DLL3: variants seen among roughly 807,000 people sequenced by gnomAD.
The protein encoded by DLL3 is delta like canonical Notch ligand 3.
In DLL3, 49 loss-of-function variants were observed where a neutral mutation model predicts 55.0. That is an observed-to-expected ratio of 0.89 (90% CI 0.71 to 1.13). The LOEUF (loss-of-function observed/expected upper bound fraction) is 1.13, where lower values mean the gene tolerates loss of function less well. DLL3 is among the 50% of genes most tolerant of loss of function. The pLI is 0.00. For missense variants in DLL3, 962 were observed against 875.5 expected (o/e 1.10, Z -1.25); for synonymous variants, 421 against 385.2 (o/e 1.09, Z -1.09).
chr19:39,507,173 G>A lies in DLL3; in HGVS notation c.1228G>A (p.Gly410Ser), dbSNP rs2079646398. ...CANGGTCVEG[G>S]GAHRCSCALG... ...TAACGGCGGCACGTGTGTGGAGGGC[G>A]GCGGCGCGCACCGCTGCTCCTGCGC... Residue 410 changes from glycine to serine, a missense_variant, in exon 7 of 9, where the codon GGC (glycine) becomes AGC (serine). By Grantham distance (56) the Gly-to-Ser change is moderately conservative. Coordinates refer to ENST00000356433, the MANE Select transcript of DLL3 (RefSeq NM_203486.3). 1 of 1,368,002 alleles carries A rather than the reference G, an allele frequency of 7.3e-7. No individual in the cohort carries two copies. The highest frequency in any genetic ancestry group is 9.4e-7 in the Non-Finnish European group (1 of 1,069,510). 84.7% of individuals were successfully genotyped at this position (1,368,002 alleles called of 1,614,324 possible).
Position 39,504,196 on chromosome 19 carries a change from C to T in DLL3, c.778C>T (p.Pro260Ser). Residue 260 changes from proline to serine, a missense_variant, in exon 5 of 9, where the codon CCC (proline) becomes TCC (serine). Pro to Ser is a moderately conservative substitution (Grantham distance 74). Coordinates refer to ENST00000356433, the MANE Select transcript of DLL3 (RefSeq NM_203486.3). ...VPVSTSSCLS[P>S]RGPSSATTGC... ...TGTCTCCACCAGCAGCTGCCTCAGC[C>T]CCAGGGGCCCGTCCTCTGCTACCAC... is the stretch of plus-strand genomic sequence containing the variant. 6.2e-7 allele frequency: 1 copy of T among 1,612,636 alleles called. No individual in the cohort carries two copies. The highest frequency in any genetic ancestry group is 8.5e-7 in the Non-Finnish European group (1 of 1,180,032).
Position 39,502,216 on chromosome 19 carries a change from T to A in DLL3, c.410-599T>A, listed in dbSNP as rs145571380. 3.1e-3 allele frequency among the ~76,000 whole-genome samples: 477 copies of A among 151,834 alleles called. 4 individuals carry two copies. The highest frequency in any genetic ancestry group is 0.011 in the African/African-American group (450 of 41,442). ...AACAAACAAAAAAAAAACAAATATC[T>A]GGGTCAAAATACAGGAGTATTACGG... is the stretch of plus-strand genomic sequence containing the variant. On this transcript the variant is annotated intron_variant, in intron 3 of 8. Coordinates refer to ENST00000356433, the MANE Select transcript of DLL3 (RefSeq NM_203486.3).
intron 2 of DLL3, 100 bp downstream of exon 2, chr19:39,499,573 C>T (rs964709490): frequency 2.0e-6 from 3 of 1,473,898 alleles, no homozygotes; most frequent in African/African-American, 2.8e-5. Flanking sequence ...CCTAATCCTG[C>T]CTCCCAGGGG....
Position 39,504,073 on chromosome 19 carries a change from G to T in DLL3, c.655G>T (p.Val219Leu). 1 of 1,613,206 alleles carries T rather than the reference G, an allele frequency of 6.2e-7. No individual in the cohort carries two copies. The change falls in exon 5 of 9, where the codon GTG (valine) becomes TTG (leucine). Residue 219 changes from valine to leucine, a missense_variant and splice_region_variant. Physicochemically the swap from Val to Leu is conservative, Grantham distance 32. Coordinates refer to ENST00000356433, the MANE Select transcript of DLL3 (RefSeq NM_203486.3). ...CTCTGCCTCTCTGTCCCCCATAGTG[G>T]TGTGCCGAGCAGGCTGCAGCCCTGA... The part of the protein sequence containing the change: ...PLEDECEAPL[V>L]CRAGCSPEHG...
intron 3 of DLL3, among the ~76,000 whole-genome samples, 166 bp from the exon 4 acceptor site, chr19:39,502,649 G>A (rs1338474715): frequency 6.6e-6 from 1 of 152,198 alleles, no homozygotes; most frequent in African/African-American, 2.4e-5. Context: ...CCTTGCTAAA[G>A]TAGAGGGTGA....
Position 39,504,174 on chromosome 19 carries a change from C to T in DLL3, c.756C>T (p.Val252=). ...GWTGPLCTVP[V]STSSCLSPRG... Reference sequence around the variant, plus strand: ...CTGGACCCCTCTGCACGGTCCCTGTCTCCACCAGCAGCTGCCTCAGCCCCA... The same window carrying T: ...CTGGACCCCTCTGCACGGTCCCTGTTTCCACCAGCAGCTGCCTCAGCCCCA... The change falls in exon 5 of 9, where the codon GTC becomes GTT. Residue 252 remains valine (V), a synonymous_variant. Coordinates refer to ENST00000356433, the MANE Select transcript of DLL3 (RefSeq NM_203486.3). 2 of 1,612,528 alleles carry T rather than the reference C, an allele frequency of 1.2e-6. No homozygotes were observed. The highest frequency in any genetic ancestry group is 1.7e-6 in the Non-Finnish European group (2 of 1,180,022).
Position 39,504,210 on chromosome 19 carries a change from C to G in DLL3, c.792C>G (p.Ser264=). The change falls in exon 5 of 9, where the codon TCC becomes TCG. Residue 264 remains serine (S), a synonymous_variant. Coordinates refer to ENST00000356433, the MANE Select transcript of DLL3 (RefSeq NM_203486.3). ...TSSCLSPRGP[S]SATTGCLVPG... is the part of the protein sequence containing the mutation. ...GCTGCCTCAGCCCCAGGGGCCCGTC[C>G]TCTGCTACCACCGGATGCCTTGTCC... 1 of 1,612,832 alleles carries G rather than the reference C, an allele frequency of 6.2e-7. No individual in the cohort carries two copies. The highest frequency in any genetic ancestry group is 2.2e-5 in the East Asian group (1 of 44,886).
chr19:39,508,010 A>G (rs774889509), intron 8 of DLL3, 96 bp downstream of exon 8: 1 of 1,612,970 alleles, frequency 6.2e-7, no homozygotes, highest in Non-Finnish European at 8.5e-7. Context: ...TGTCCGTGAA[A>G]TGAATTGGGT....
At position 39,499,446 on chromosome 19, in the gene DLL3, G is replaced by A; in HGVS notation, c.324G>A (p.Leu108=). 1 of 1,591,628 alleles carries A rather than the reference G, an allele frequency of 6.3e-7. No individual in the cohort carries two copies. Among genetic ancestry groups the A allele is most frequent in the Non-Finnish European group, 8.5e-7 (1 of 1,176,682 alleles). ...APDLPLPDGL[L]QVPFRDAWPG... Reference sequence around the variant, plus strand: ...ATCTCCCACTGCCCGACGGCCTCTTGCAGGTGCCCTTCCGGGACGCCTGGC... The same window carrying A: ...ATCTCCCACTGCCCGACGGCCTCTTACAGGTGCCCTTCCGGGACGCCTGGC... The change falls in exon 2 of 9, where the codon TTG becomes TTA. Residue 108 remains leucine, a synonymous_variant. Coordinates refer to ENST00000356433, the MANE Select transcript of DLL3 (RefSeq NM_203486.3).
chr19:39,499,221 G>T lies in DLL3; in HGVS notation c.99G>T (p.Gln33His), dbSNP rs1205558801. The T allele has an allele frequency of 1.3e-6, 2 of 1,561,660 alleles. No individual in the cohort carries two copies. ...GGCCCGCTGGCGTCTTCGAGCTGCA[G>T]ATCCACTCTTTCGGGCCGGGTCCAG... is the stretch of plus-strand genomic sequence containing the variant. ...QTRPAGVFELQIHSFGPGPGP... is the reference protein window; with the variant it reads ...QTRPAGVFELHIHSFGPGPGP... The change falls in exon 2 of 9, where the codon CAG becomes CAT. Residue 33 changes from glutamine (Q) to histidine (H), a missense_variant. By Grantham distance (24) the Gln-to-His change is conservative (BLOSUM62 0). Coordinates refer to ENST00000356433, the MANE Select transcript of DLL3 (RefSeq NM_203486.3).
chr19:39,504,160 T>C lies in DLL3; in HGVS notation c.742T>C (p.Cys248Arg). 6.2e-7 allele frequency: 1 copy of C among 1,612,604 alleles called. No individual in the cohort carries two copies. Residue 248 changes from cysteine (C) to arginine (R), a missense_variant, in exon 5 of 9, where the codon TGC (cysteine) becomes CGC (arginine). Transcript: ENST00000356433. ...CCTAGAGGGCTGGACTGGACCCCTC[T>C]GCACGGTCCCTGTCTCCACCAGCAG... is the stretch of plus-strand genomic sequence containing the variant. ...RCLEGWTGPLCTVPVSTSSCL... is the reference protein window; with the variant it reads ...RCLEGWTGPLRTVPVSTSSCL...
At position 39,504,082 on chromosome 19, in the gene DLL3, G is replaced by A. The variant is rs1461469255; in HGVS notation, c.664G>A (p.Ala222Thr). ...DECEAPLVCR[A>T]GCSPEHGFCE... Reference sequence around the variant, plus strand: ...TCTGTCCCCCATAGTGGTGTGCCGAGCAGGCTGCAGCCCTGAGCATGGCTT... The same window carrying A: ...TCTGTCCCCCATAGTGGTGTGCCGAACAGGCTGCAGCCCTGAGCATGGCTT... Residue 222 changes from alanine to threonine, a missense_variant, in exon 5 of 9, where the codon GCA becomes ACA. Transcript: ENST00000356433. 6.2e-7 allele frequency: 1 copy of A among 1,613,260 alleles called. No homozygotes were observed. Among genetic ancestry groups the A allele is most frequent in the Non-Finnish European group, 8.5e-7 (1 of 1,180,032 alleles).
Position 39,505,424 on chromosome 19 carries a change from C to A in DLL3, c.1066C>A (p.Arg356=), listed in dbSNP as rs146274789. 1.2e-6 allele frequency: 2 copies of A among 1,613,854 alleles called. No individual in the cohort carries two copies. Among genetic ancestry groups the A allele is most frequent in the Non-Finnish European group, 1.7e-6 (2 of 1,180,000 alleles). The change falls in exon 6 of 9, where the codon CGG becomes AGG. Residue 356 remains arginine (R), a synonymous_variant. Transcript: ENST00000356433. The part of the protein sequence containing the change: ...QGSNCEKRVD[R]CSLQPCRNGG... Reference sequence around the variant, plus strand: ...CTCCAACTGTGAGAAGAGGGTGGACCGGTGCAGCCTGCAGCCATGCCGCAA... The same window carrying A: ...CTCCAACTGTGAGAAGAGGGTGGACAGGTGCAGCCTGCAGCCATGCCGCAA...
At position 39,504,276 on chromosome 19, in the gene DLL3, A is replaced by C. The variant is rs1365650162; in HGVS notation, c.858A>C (p.Gly286=). The C allele has an allele frequency of 6.2e-7, 1 of 1,612,486 alleles. No homozygotes were observed. The highest frequency in any genetic ancestry group is 8.5e-7 in the Non-Finnish European group (1 of 1,180,014). ...GPCDGNPCAN[G]GSCSETPRSF... ...GTGACGGGAACCCGTGTGCCAATGG[A>C]GGCAGCTGTAGTGTCAGTGTCACCC... Residue 286 remains glycine, a synonymous_variant, in exon 5 of 9, where the codon GGA becomes GGC. Transcript: ENST00000356433.
chr19:39,502,841 G>GTGGCTGGCAGGCGGCGCT lies in DLL3; in HGVS notation c.441_458dup (p.Gly148_Ala153dup). 2 of 1,418,692 alleles carry GTGGCTGGCAGGCGGCGCT rather than the reference G, an allele frequency of 1.4e-6. No homozygotes were observed. Among genetic ancestry groups the GTGGCTGGCAGGCGGCGCT allele is most frequent in the Non-Finnish European group, 1.8e-6 (2 of 1,092,236 alleles). 87.9% of individuals were successfully genotyped at this position (1,418,692 alleles called of 1,614,324 possible). A position where few individuals can be genotyped will look rare whatever the true frequency, so the allele number is the denominator to read the frequency against. On this transcript the variant is annotated inframe_insertion, in exon 4 of 9. Coordinates refer to ENST00000356433, the MANE Select transcript of DLL3 (RefSeq NM_203486.3). ...GCCCGCCTGGAGCCTGCTGGCGCGC[G>GTGGCTGGCAGGCGGCGCT]TGGCTGGCAGGCGGCGCTTGGCAGC...
At chr19:39,501,751 A>T (rs1360262501) in intron 3 of DLL3, among the ~76,000 whole-genome samples, 1 of 152,122 alleles carries the variant, frequency 6.6e-6, no homozygotes, top group Admixed American at 6.5e-5. Context: ...GGTCTCTGTG[A>T]CTATTTTGAT....
In DLL3 at chr19:39,507,154, C is replaced by A; in HGVS notation, c.1209C>A (p.Gly403=). The A allele has an allele frequency of 6.7e-7, 1 of 1,486,174 alleles. No homozygotes were observed. Among genetic ancestry groups the A allele is most frequent in the Non-Finnish European group, 8.9e-7 (1 of 1,127,188 alleles). The allele number at this position is 1,486,174 out of a possible 1,614,324, so 92.1% of individuals were successfully genotyped here. The change falls in exon 7 of 9, where the codon GGC becomes GGA. Residue 403 remains glycine, a synonymous_variant. Coordinates refer to ENST00000356433, the MANE Select transcript of DLL3 (RefSeq NM_203486.3). ...DDCAGRACAN[G]GTCVEGGGAH... is the part of the protein sequence containing the mutation. ...GCGCGGGCCGCGCCTGCGCTAACGGCGGCACGTGTGTGGAGGGCGGCGGCG... is the reference window on the plus strand; with the variant it reads ...GCGCGGGCCGCGCCTGCGCTAACGGAGGCACGTGTGTGGAGGGCGGCGGCG...
chr19:39,499,178 CG>C lies in DLL3; in HGVS notation c.70-13del, dbSNP rs1568447841. 6.3e-7 allele frequency: 1 copy of C among 1,588,532 alleles called. No homozygotes were observed. Among genetic ancestry groups the C allele is most frequent in the Admixed American group, 1.8e-5 (1 of 56,772 alleles). ...CCTCCCGGCCGCCTCACCCTGCGCC[CG>C]TCTCCGTCCCAGACACGGCCCGCTG... is the stretch of plus-strand genomic sequence containing the variant. On this transcript the variant is annotated splice_polypyrimidine_tract_variant and intron_variant, in intron 1 of 8. Transcript: ENST00000356433.
Position 39,503,004 on chromosome 19 carries a change from G to T in DLL3, c.599G>T (p.Cys200Phe). The change falls in exon 4 of 9, where the codon TGC becomes TTC. Residue 200 changes from cysteine (C) to phenylalanine (F), a missense_variant. By Grantham distance (205) the Cys-to-Phe change is radical. Transcript: ENST00000356433. ...CGTCCGCGCAGCGCCCCCTCGCGGT[G>T]CGGTCCGGGACTGCGCCCCTGCGCA... ...LCRPRSAPSR[C>F]GPGLRPCAPL... 1 of 1,486,212 alleles carries T rather than the reference G, an allele frequency of 6.7e-7. No homozygotes were observed. The highest frequency in any genetic ancestry group is 8.9e-7 in the Non-Finnish European group (1 of 1,126,192). The allele number at this position is 1,486,212 out of a possible 1,614,324, so 92.1% of individuals were successfully genotyped here. A position where few individuals can be genotyped will look rare whatever the true frequency, so the allele number is the denominator to read the frequency against.
Sources: allele counts gnomAD v4.1 joint callset (sites outside exome capture counted in the v4.1 genomes callset), GRCh38; gene constraint gnomAD v4.1.1; transcripts MANE v1.5; gene names NCBI Gene and HGNC (gene_info 2026-07-23, HGNC 2026-07-21).